SEC16A: variants seen among roughly 807,000 people sequenced by gnomAD.
The protein encoded by SEC16A is protein transport protein Sec16A.
Under a neutral mutation model 221.9 loss-of-function variants are expected in SEC16A, and 110 were observed. That is an observed-to-expected ratio of 0.50 (90% confidence interval 0.42 to 0.58). SEC16A has a LOEUF of 0.58. Ranked by LOEUF, SEC16A falls within the 20% of genes least tolerant of loss-of-function variation. The probability of loss-of-function intolerance (pLI) is 0.00; values close to 1 mark genes in which losing one functional copy is unlikely to be tolerated. For missense variants in SEC16A, 3,165 were observed against 3,097.8 expected (o/e 1.02, Z -0.52); for synonymous variants, 1,393 against 1,257.7 (o/e 1.11, Z -2.28).
chr9:136,453,197 GT>G (rs2132059520), intron 22 of SEC16A, among the ~76,000 whole-genome samples: 1 of 152,140 alleles, frequency 6.6e-6, no homozygotes, highest in South Asian at 2.1e-4. Flanking sequence ...TAAAGTAACT[GT>G]TTTTACACTA....
At chr9:136,477,873 G>C (rs978438219) in intron 2 of SEC16A, among the ~76,000 whole-genome samples, 189 bp from the exon 3 acceptor site, 6 of 152,138 alleles carry the variant, frequency 3.9e-5, no homozygotes, top group Admixed American at 3.3e-4. Flanking sequence ...CTGGGGGGCA[G>C]GGGACAGAGT....
rs777741995 is a variant in SEC16A at position 136,477,123 on chromosome 9, C to T, written c.493G>A (p.Val165Met). Residue 165 changes from valine to methionine, a missense_variant, in exon 3 of 32, where the codon GTG becomes ATG. Around this residue, in one of 3 missense-constraint regions of SEC16A, gnomAD observed 2,030 missense variants for 1,923.1 expected, o/e 1.06. Coordinates refer to ENST00000684901, the MANE Select transcript of SEC16A (RefSeq NM_014866.2). ...CCCCCATGAGACGTTTCAGGATCCA[C>T]TCCTGGAATGTAGTGAGGAAGATAT... ...LPYLPHYIPG[V>M]DPETSHGGHP... 6.2e-7 allele frequency: 1 copy of T among 1,613,852 alleles called. No homozygotes were observed. The highest frequency in any genetic ancestry group is 1.7e-5 in the Admixed American group (1 of 60,024).
chr9:136,468,481 T>C lies in SEC16A; in HGVS notation c.3736A>G (p.Lys1246Glu). ...QGYPEGYYSS[K>E]SGWSSQSDYY... is the part of the protein sequence containing the mutation. ...TCGCTCTGACTGCTCCATCCACTTT[T>C]GGAACTATAGTATCCTTCAGGATAT... is the stretch of plus-strand genomic sequence containing the variant. The change falls in exon 5 of 32, where the codon AAA becomes GAA. Residue 1246 changes from lysine (K) to glutamate (E), a missense_variant. By Grantham distance (56) the Lys-to-Glu change is moderately conservative. Around this residue, in one of 3 missense-constraint regions of SEC16A, gnomAD observed 2,030 missense variants for 1,923.1 expected, o/e 1.06. Transcript: ENST00000684901. 6.2e-7 allele frequency: 1 copy of C among 1,613,084 alleles called. No individual in the cohort carries two copies. Among genetic ancestry groups the C allele is most frequent in the Non-Finnish European group, 8.5e-7 (1 of 1,179,046 alleles).
chr9:136,464,252 T>C (rs1288353613), intron 9 of SEC16A, among the ~76,000 whole-genome samples, 168 bp downstream of exon 9: 2 of 152,222 alleles, frequency 1.3e-5, no homozygotes, highest in Non-Finnish European at 2.9e-5. Context: ...GAAAAATATA[T>C]GATCAAATAG....
intron 22 of SEC16A, among the ~76,000 whole-genome samples, chr9:136,451,966 G>C (rs181576355): frequency 1.3e-5 from 2 of 152,114 alleles, no homozygotes; most frequent in Non-Finnish European, 1.5e-5. Flanking sequence ...TCCAGAATGC[G>C]GTCTGTATAA....
intron 1 of SEC16A, among the ~76,000 whole-genome samples, chr9:136,479,894 C>T (rs918905708): frequency 6.6e-6 from 1 of 151,438 alleles, no homozygotes; most frequent in Non-Finnish European, 1.5e-5. Context: ...CCCAACTACT[C>T]GGGAGGCTGA....
intron 13 of SEC16A, among the ~76,000 whole-genome samples, chr9:136,460,735 A>C (rs1202933890): frequency 3.3e-5 from 5 of 152,212 alleles, no homozygotes; most frequent in African/African-American, 1.2e-4. Context: ...CAACATGGCA[A>C]AACCCACCTC....
At chr9:136,472,236 T>C in intron 3 of SEC16A, 125 bp from the exon 4 acceptor site, 1 of 1,101,710 alleles carries the variant, frequency 9.1e-7, no homozygotes, top group Non-Finnish European at 1.3e-6. Context: ...AGCAAGCTCG[T>C]CCAACAACCA....
chr9:136,463,018 C>G lies in SEC16A; in HGVS notation c.4762G>C (p.Glu1588Gln). Residue 1588 changes from glutamate (E) to glutamine (Q), a missense_variant, in exon 12 of 32, where the codon GAG becomes CAG. Around this residue, in one of 3 missense-constraint regions of SEC16A, gnomAD observed 1,088 missense variants for 1,089.6 expected, o/e 1.00. Coordinates refer to ENST00000684901, the MANE Select transcript of SEC16A (RefSeq NM_014866.2). The part of the protein sequence containing the change: ...NLIDFTNEAV[E>Q]QVEEEESGEA... The stretch of plus-strand genomic sequence containing the variant: ...CCAGACTCCTCCTCTTCCACCTGCT[C>G]CACTGCCTCATTCGTGAAATCAATC... The G allele has an allele frequency of 6.2e-7, 1 of 1,612,150 alleles. No homozygotes were observed. The highest frequency in any genetic ancestry group is 8.5e-7 in the Non-Finnish European group (1 of 1,179,900).
chr9:136,484,323 C>G, upstream of SEC16A: 1 of 1,099,906 alleles, frequency 9.1e-7, no homozygotes, highest in Non-Finnish European at 1.1e-6. Context: ...GTGCCTGCCA[C>G]GGCCAGGCCA....
In SEC16A at chr9:136,447,032, G is replaced by GT; in HGVS notation, c.6698-84dup. 1 of 1,602,170 alleles carries GT rather than the reference G, an allele frequency of 6.2e-7. No individual in the cohort carries two copies. The highest frequency in any genetic ancestry group is 8.5e-7 in the Non-Finnish European group (1 of 1,175,338). On this transcript the variant is annotated intron_variant, in intron 27 of 31. Transcript: ENST00000684901. This position sits in a 1 kb window ranked among gnomAD's most constrained non-coding sequence, Gnocchi z 5.5. ...CTGAAGACACTCCGAGAGGAAGAGA[G>GT]TTTCACACTGCACACGCGGCACACT...
chr9:136,452,449 C>CAAAAAAAAAAAAAAAAAGA (rs1837956754), intron 22 of SEC16A, among the ~76,000 whole-genome samples: 1 of 23,280 alleles, frequency 4.3e-5, no homozygotes, highest in Non-Finnish European at 7.8e-5. Context: ...AACTCCATCT[C>CAAAAAAAAAAAAAAAAAGA]AAAAAAAAAA....
At chr9:136,445,559 GC>G in intron 29 of SEC16A, 85 bp downstream of exon 29, 1 of 990,826 alleles carries the variant, frequency 1.0e-6, no homozygotes. Flanking sequence ...ACCCAGTACC[GC>G]CCCTCCATAA....
intron 13 of SEC16A, among the ~76,000 whole-genome samples, chr9:136,460,549 G>C (rs1263006581): frequency 1.3e-5 from 2 of 151,078 alleles, no homozygotes; most frequent in Non-Finnish European, 2.9e-5. Flanking sequence ...ATTTCACTTA[G>C]GCAAAGTACA....
intron 22 of SEC16A, among the ~76,000 whole-genome samples, chr9:136,452,449 CAAAAAAAAAAAA>C (rs752510860): frequency 2.8e-3 from 66 of 23,294 alleles, no homozygotes; most frequent in South Asian, 0.013. Flanking sequence ...AACTCCATCT[CAAAAAAAAAAAA>C]AAAAAAAAAA....
chr9:136,457,665 A>G, intron 17 of SEC16A, 81 bp from the exon 18 acceptor site: 1 of 1,493,134 alleles, frequency 6.7e-7, no homozygotes, highest in Non-Finnish European at 9.0e-7. Context: ...TACTGCCCTG[A>G]GGCTCCCCTG....
chr9:136,482,435 A>G lies in SEC16A; in HGVS notation c.-192+503T>C, dbSNP rs570099380. 5.3e-5 allele frequency among the ~76,000 whole-genome samples: 8 copies of G among 152,316 alleles called. No individual in the cohort carries two copies. In the South Asian group the frequency reaches 1.7e-3, roughly 32 times the overall value. On this transcript the variant is annotated intron_variant, in intron 1 of 31. Transcript: ENST00000684901. ...GCTCTACTGTAACACTTCCATCACA[A>G]AGGGGCGAGCCGGATCACACACACT... is the stretch of plus-strand genomic sequence containing the variant.
intron 4 of SEC16A, among the ~76,000 whole-genome samples, chr9:136,471,465 C>A (rs1292512394): frequency 6.6e-6 from 1 of 152,066 alleles, no homozygotes; most frequent in East Asian, 1.9e-4. Context: ...CAGAGTGAGA[C>A]CTGCCTTAAA....
Position 136,477,074 on chromosome 9 carries a change from C to T in SEC16A, c.542G>A (p.Gly181Glu), listed in dbSNP as rs549448822. ...HGGHPHGNMPGLDRPLSRQNP... is the reference protein window; with the variant it reads ...HGGHPHGNMPELDRPLSRQNP... Reference sequence around the variant, plus strand: ...TTGCCTGCTCAGGGGTCGGTCGAGCCCAGGCATGTTCCCATGAGGGTGGCC... The same window carrying T: ...TTGCCTGCTCAGGGGTCGGTCGAGCTCAGGCATGTTCCCATGAGGGTGGCC... The change falls in exon 3 of 32, where the codon GGG becomes GAG. Residue 181 changes from glycine (G) to glutamate (E), a missense_variant. By Grantham distance (98) the Gly-to-Glu change is moderately conservative. Transcript: ENST00000684901. 1.8e-4 allele frequency: 287 copies of T among 1,613,802 alleles called. 3 individuals are homozygous for T. The South Asian group carries it at 3.0e-3, about 17-fold the overall frequency.
Sources: gnomAD v4.1 joint callset for allele counts (sites outside exome capture counted in the v4.1 genomes callset) on GRCh38, gnomAD v4.1.1 for gene constraint, gnomAD v4.1.1 regional missense constraint, Gnocchi (gnomAD v3.1) non-coding constraint, MANE v1.5 for transcripts, NCBI Gene and HGNC (gene_info 2026-07-23, HGNC 2026-07-21) for gene names.